ANKRD30BL: variants seen among roughly 807,000 people sequenced by gnomAD.
The protein encoded by ANKRD30BL is ankyrin repeat domain 30B like, also known as putative ankyrin repeat domain-containing protein 30B-like.
In ANKRD30BL, 20 loss-of-function variants were observed where a neutral mutation model predicts 18.4. That is an observed-to-expected ratio of 1.09 (90% CI 0.77 to 1.58). ANKRD30BL has a LOEUF of 1.58. Ranked by LOEUF, ANKRD30BL falls within the 40% of genes most tolerant of loss-of-function variation. ANKRD30BL has a pLI of 0.00. For missense variants in ANKRD30BL, 224 were observed against 268.6 expected (o/e 0.83, Z 1.16); for synonymous variants, 72 against 100.9 (o/e 0.71, Z 1.72).
At chr2:132,256,687 C>T (rs1680851008) in intron 1 of ANKRD30BL, among the ~76,000 whole-genome samples, 1 of 152,228 alleles carries the variant, frequency 6.6e-6, no homozygotes, top group Non-Finnish European at 1.5e-5. Flanking sequence ...TGCTGGCCGA[C>T]CCCAAACCCT....
At chr2:132,211,255 G>A (rs77766668) in intron 1 of ANKRD30BL, among the ~76,000 whole-genome samples, 1 of 152,024 alleles carries the variant, frequency 6.6e-6, no homozygotes, top group East Asian at 1.9e-4. Flanking sequence ...AGCATTCTGA[G>A]AAACTTCTTT....
rs1413014401 is a variant in ANKRD30BL, at chr2:132,157,366, T to C, written c.276A>G (p.Val92=). 2.7e-6 allele frequency: 2 copies of C among 751,970 alleles called. No individual in the cohort carries two copies. Among genetic ancestry groups the C allele is most frequent in the Non-Finnish European group, 4.9e-6 (2 of 408,012 alleles). 46.6% of individuals were successfully genotyped at this position (751,970 alleles called of 1,614,324 possible). A position where few individuals can be genotyped will look rare whatever the true frequency, so the allele number is the denominator to read the frequency against. The part of the protein sequence containing the change: ...NGHAEVVTLL[V]DRKCQLDVLD... The stretch of plus-strand genomic sequence containing the variant: ...GGACGTCAAGCTGACACTTTCTATC[T>C]ACCAGAAGTGTTACTACTTCTGCAT... Residue 92 remains valine, a synonymous_variant, in exon 2 of 6, where the codon GTA becomes GTG. Coordinates refer to ENST00000409867, the MANE Select transcript of ANKRD30BL (RefSeq NM_001358416.1).
At position 132,235,673 on chromosome 2, in the gene ANKRD30BL, C is replaced by T. The variant is rs202095565; in HGVS notation, n.441+21856G>A. Among the ~76,000 whole-genome samples, 22 of 151,950 alleles carry T rather than the reference C, an allele frequency of 1.4e-4. No individual in the cohort carries two copies. In the East Asian group the frequency reaches 1.6e-3, roughly 11 times the overall value. On this transcript the variant is annotated intron_variant and non_coding_transcript_variant, in intron 1 of 4. Coordinates refer to the ANKRD30BL transcript ENST00000470729. Reference sequence around the variant, plus strand: ...TTCAAGGAGAACTACAAACCACTGCCCAAGGAAATAAAAGAGGATACAAAC... The same window carrying T: ...TTCAAGGAGAACTACAAACCACTGCTCAAGGAAATAAAAGAGGATACAAAC...
At chr2:132,249,004 C>T (rs55704667) in intron 1 of ANKRD30BL, among the ~76,000 whole-genome samples, 10,053 of 151,752 alleles carry the variant, frequency 0.066, 705 homozygotes, top group African/African-American at 0.23. Flanking sequence ...TATCCCTTTG[C>T]AGATTGCACA....
intron 1 of ANKRD30BL, 72 bp downstream of exon 1, chr2:132,161,416 C>G: frequency 7.3e-7 from 1 of 1,361,428 alleles, no homozygotes; most frequent in Non-Finnish European, 1.0e-6. Context: ...CCCCCAGGCC[C>G]CACTCTGAAG....
chr2:132,249,832 A>G (rs890290593), intron 1 of ANKRD30BL, among the ~76,000 whole-genome samples: 1 of 152,158 alleles, frequency 6.6e-6, no homozygotes, highest in Non-Finnish European at 1.5e-5. Context: ...TTTTCACCAC[A>G]GGCCTCAAAC....
intron 1 of ANKRD30BL, among the ~76,000 whole-genome samples, chr2:132,196,698 G>A (rs1363468716): frequency 6.6e-6 from 1 of 151,888 alleles, no homozygotes; most frequent in Non-Finnish European, 1.5e-5. Context: ...AAGCAGGAGA[G>A]GAGGCTGAGG....
intron 1 of ANKRD30BL, among the ~76,000 whole-genome samples, chr2:132,210,716 C>T (rs1436461469): frequency 6.6e-6 from 1 of 151,024 alleles, no homozygotes; most frequent in African/African-American, 2.4e-5. Flanking sequence ...ATATCTTCAC[C>T]TAAAAACAAC....
intron 1 of ANKRD30BL, among the ~76,000 whole-genome samples, chr2:132,233,984 A>G (rs1041390383): frequency 6.6e-6 from 1 of 152,092 alleles, no homozygotes; most frequent in Non-Finnish European, 1.5e-5. Flanking sequence ...ATAACCAACT[A>G]TCTCTCAGAC....
At chr2:132,214,767 G>C (rs1679446839) in intron 1 of ANKRD30BL, among the ~76,000 whole-genome samples, 1 of 151,268 alleles carries the variant, frequency 6.6e-6, no homozygotes, top group African/African-American at 2.4e-5. Flanking sequence ...TGAATAGTTT[G>C]GAAACTCTCT....
intron 1 of ANKRD30BL, among the ~76,000 whole-genome samples, 187 bp from the exon 2 acceptor site, chr2:132,157,610 C>G (rs7591312): frequency 0.28 from 43,237 of 152,108 alleles, 9,594 homozygotes; most frequent in African/African-American, 0.6. Flanking sequence ...GAAAGAGTGC[C>G]TGTTTGAACA....
At chr2:132,173,640 T>G (rs1688318661) in intron 1 of ANKRD30BL, among the ~76,000 whole-genome samples, 1 of 152,122 alleles carries the variant, frequency 6.6e-6, no homozygotes, top group South Asian at 2.1e-4. Flanking sequence ...TTTCTTGTTT[T>G]TGGGGAAAAA....
intron 1 of ANKRD30BL, among the ~76,000 whole-genome samples, chr2:132,176,857 G>C (rs1688374927): frequency 6.6e-6 from 1 of 152,112 alleles, no homozygotes; most frequent in South Asian, 2.1e-4. Flanking sequence ...ATTTAAAATG[G>C]TATCCTTTCA....
At chr2:132,253,829 C>T (rs1025003353) in intron 1 of ANKRD30BL, among the ~76,000 whole-genome samples, 3 of 152,086 alleles carry the variant, frequency 2.0e-5, no homozygotes, top group African/African-American at 7.2e-5. Flanking sequence ...GCATCCGGCC[C>T]CCTACCCTCG....
chr2:132,215,874 A>G (rs1443689158), intron 1 of ANKRD30BL, among the ~76,000 whole-genome samples: 1 of 152,126 alleles, frequency 6.6e-6, no homozygotes, highest in Non-Finnish European at 1.5e-5. Context: ...TCTTCACATA[A>G]TAACTAGACA....
intron 1 of ANKRD30BL, among the ~76,000 whole-genome samples, chr2:132,190,974 A>G (rs1414678120): frequency 6.6e-6 from 1 of 152,134 alleles, no homozygotes; most frequent in East Asian, 1.9e-4. Flanking sequence ...AGTCAACTTA[A>G]CTGAGGTTTA....
At chr2:132,254,017 G>A (rs1680745140) in intron 1 of ANKRD30BL, among the ~76,000 whole-genome samples, 1 of 151,586 alleles carries the variant, frequency 6.6e-6, no homozygotes, top group Admixed American at 6.6e-5. Flanking sequence ...CCAGTGGGGA[G>A]GGCACTGAGA....
intron 1 of ANKRD30BL, among the ~76,000 whole-genome samples, chr2:132,220,377 C>CCTCTCCCTCTCCCTCTCT (rs1679642089): frequency 7.0e-6 from 1 of 142,070 alleles, no homozygotes; most frequent in Admixed American, 7.6e-5. Context: ...TCTCCCTCTC[C>CCTCTCCCTCTCCCTCTCT]CCACGGTCTC....
chr2:132,256,465 C>T lies in ANKRD30BL; in HGVS notation n.441+1064G>A, dbSNP rs1680841534. ...GGCAGCCGCGAGGGACCGGCGGCCACTCATGCGCGGAGGGCGCGGGGCGGC... is the reference window on the plus strand; with the variant it reads ...GGCAGCCGCGAGGGACCGGCGGCCATTCATGCGCGGAGGGCGCGGGGCGGC... On this transcript the variant is annotated intron_variant and non_coding_transcript_variant, in intron 1 of 4. Transcript: ENST00000470729. Among the ~76,000 whole-genome samples the T allele has an allele frequency of 1.3e-5, 2 of 152,338 alleles. 1 individual carries two copies. Among genetic ancestry groups the T allele is most frequent in the Admixed American group, 1.3e-4 (2 of 15,306 alleles).
Sources: gnomAD v4.1 joint callset for allele counts (sites outside exome capture counted in the v4.1 genomes callset) on GRCh38, gnomAD v4.1.1 for gene constraint, MANE v1.5 for transcripts, NCBI Gene and HGNC (gene_info 2026-07-23, HGNC 2026-07-21) for gene names.